RTN3: variants seen among roughly 807,000 people sequenced by gnomAD.
RTN3 encodes reticulon-3.
A neutral mutation model predicts 77.8 loss-of-function variants in RTN3; 49 were observed. The observed-to-expected ratio is 0.63, with a 90% CI of 0.50 to 0.80. The LOEUF is 0.80. Among genes scored for constraint, RTN3 ranks in the 30% least tolerant of loss-of-function variants. The pLI is 0.00. For synonymous variants in RTN3, 464 were observed against 446.9 expected, an observed-to-expected ratio of 1.04 and a Z score of -0.48; for missense variants, 1,236 against 1,211.9, an observed-to-expected ratio of 1.02 and a Z score of -0.29.
At chr11:63,722,179 AC>A (rs2011866866) in intron 3 of RTN3, among the ~76,000 whole-genome samples, 1 of 152,176 alleles carries the variant, frequency 6.6e-6, no homozygotes, top group Non-Finnish European at 1.5e-5. Context: ...TTTTACATCT[AC>A]TGTATGGTCA....
Position 63,726,796 on chromosome 11 carries a change from AG to A in RTN3, c.2530+5766del, listed in dbSNP as rs548099309. Among the ~76,000 whole-genome samples, 988 of 149,892 alleles carry A rather than the reference AG, an allele frequency of 6.6e-3. 10 individuals are homozygous for A. Among genetic ancestry groups the A allele is most frequent in the African/African-American group, 0.023 (934 of 40,732 alleles). ...GAATCGCTTGAACCCCTGGGGGTGG[AG>A]GTTGCAGTGAGCCAAGATCATGCCA... On this transcript the variant is annotated intron_variant, in intron 3 of 8. Coordinates refer to ENST00000377819, the MANE Select transcript of RTN3 (RefSeq NM_001265589.2).
Position 63,720,509 on chromosome 11 carries a change from T to C in RTN3, c.2007T>C (p.Ser669=). ...TETRDKGIVD[S]ERNAFKAISE... Reference sequence around the variant, plus strand: ...CCAGAGATAAAGGAATAGTAGATAGTGAAAGAAATGCTTTTAAAGCAATAT... The same window carrying C: ...CCAGAGATAAAGGAATAGTAGATAGCGAAAGAAATGCTTTTAAAGCAATAT... Residue 669 remains serine (S), a synonymous_variant, in exon 3 of 9, where the codon AGT becomes AGC. Transcript: ENST00000377819. 6.2e-7 allele frequency: 1 copy of C among 1,613,960 alleles called. No homozygotes were observed. Among genetic ancestry groups the C allele is most frequent in the Non-Finnish European group, 8.5e-7 (1 of 1,179,968 alleles).
At position 63,720,320 on chromosome 11, in the gene RTN3, T is replaced by C. The variant is rs1338073280; in HGVS notation, c.1818T>C (p.Thr606=). The change falls in exon 3 of 9, where the codon ACT becomes ACC. Residue 606 remains threonine (T), a synonymous_variant. Transcript: ENST00000377819. ...TTGCTCCTGAAAAGCCTATTACTAC[T>C]GAGAACCCCAAACTTCCTTCAACAG... The part of the protein sequence containing the change: ...SEVAPEKPIT[T]ENPKLPSTVS... The C allele has an allele frequency of 1.9e-6, 3 of 1,613,804 alleles. No homozygotes were observed. Among genetic ancestry groups the C allele is most frequent in the Non-Finnish European group, 2.5e-6 (3 of 1,179,910 alleles).
rs773795111 is a variant in RTN3, at chr11:63,758,347, T to C, written c.*146T>C. On this transcript the variant is annotated 3_prime_UTR_variant, in exon 9 of 9. Coordinates refer to ENST00000377819, the MANE Select transcript of RTN3 (RefSeq NM_001265589.2). ...TTTAATTTGGTGTTTTCTCCCATCCTTTCCCTTTAACCCTCAGTATCAAGC... is the reference window on the plus strand; with the variant it reads ...TTTAATTTGGTGTTTTCTCCCATCCCTTCCCTTTAACCCTCAGTATCAAGC... 1.2e-5 allele frequency: 20 copies of C among 1,609,534 alleles called. No individual in the cohort carries two copies. Among genetic ancestry groups the C allele is most frequent in the Non-Finnish European group, 1.4e-5 (17 of 1,178,658 alleles).
intron 3 of RTN3, among the ~76,000 whole-genome samples, chr11:63,745,292 A>C (rs934736276): frequency 2.0e-5 from 3 of 152,244 alleles, no homozygotes; most frequent in African/African-American, 7.2e-5. Flanking sequence ...ATTAGGAAAC[A>C]AATGGTTTTG....
intron 4 of RTN3, among the ~76,000 whole-genome samples, chr11:63,751,987 A>G (rs1333973582): frequency 6.6e-6 from 1 of 152,020 alleles, no homozygotes; most frequent in Non-Finnish European, 1.5e-5. Flanking sequence ...GCAAAACACC[A>G]TCTCATAAAA....
At chr11:63,747,291 A>AT (rs2013855608) in intron 3 of RTN3, among the ~76,000 whole-genome samples, 2 of 152,330 alleles carry the variant, frequency 1.3e-5, no homozygotes, top group South Asian at 4.1e-4. Context: ...CCTTGTAGTT[A>AT]TATGAATTCT....
intron 1 of RTN3, among the ~76,000 whole-genome samples, chr11:63,684,129 GTTTTTTTTTTT>G (rs61663789): frequency 5.9e-5 from 5 of 85,270 alleles, no homozygotes; most frequent in East Asian, 2.9e-4. Context: ...TTTTCTTTTG[GTTTTTTTTTTT>G]TTTTTTTTTT....
chr11:63,751,701 T>G (rs1364659571), intron 4 of RTN3, among the ~76,000 whole-genome samples: 2 of 152,124 alleles, frequency 1.3e-5, no homozygotes, highest in Non-Finnish European at 2.9e-5. Flanking sequence ...CATTAAAAAT[T>G]TTATTGCAGT....
At chr11:63,741,710 A>G (rs1162783892) in intron 3 of RTN3, among the ~76,000 whole-genome samples, 1 of 151,782 alleles carries the variant, frequency 6.6e-6, no homozygotes, top group Non-Finnish European at 1.5e-5. Flanking sequence ...CGTGTTGGCC[A>G]GGCTGGTCTC....
rs2011608496 is a variant in RTN3 at position 63,719,591 on chromosome 11, A to G, written c.1089A>G (p.Thr363=). The part of the protein sequence containing the change: ...DKSSDCITKT[T]GLDMSEYNSE... ...CTTCTGACTGCATCACAAAAACTAC[A>G]GGACTTGACATGAGTGAATATAATT... Residue 363 remains threonine (T), a synonymous_variant, in exon 3 of 9, where the codon ACA becomes ACG. Coordinates refer to ENST00000377819, the MANE Select transcript of RTN3 (RefSeq NM_001265589.2). 1 of 1,614,126 alleles carries G rather than the reference A, an allele frequency of 6.2e-7. No homozygotes were observed. The highest frequency in any genetic ancestry group is 2.2e-5 in the East Asian group (1 of 44,886).
In RTN3 at chr11:63,681,540, G is replaced by T; in HGVS notation, c.-97G>T. On this transcript the variant is annotated 5_prime_UTR_variant, in exon 1 of 9. Coordinates refer to ENST00000377819, the MANE Select transcript of RTN3 (RefSeq NM_001265589.2). ...GTCCTCGGAGCAGGCGGAGTAAAGG[G>T]ACTTGAGCGAGCCAGTTGCCGGATT... The T allele has an allele frequency of 7.7e-7, 1 of 1,290,850 alleles. No individual in the cohort carries two copies. The highest frequency in any genetic ancestry group is 1.1e-6 in the Non-Finnish European group (1 of 947,774). The allele number at this position is 1,290,850 out of a possible 1,614,324, so 80.0% of individuals were successfully genotyped here.
chr11:63,742,797 G>A (rs1231040329), intron 3 of RTN3, among the ~76,000 whole-genome samples: 1 of 152,138 alleles, frequency 6.6e-6, no homozygotes, highest in East Asian at 1.9e-4. Flanking sequence ...TCTCAGCAAT[G>A]TTTTATAGAT....
At chr11:63,724,929 G>A (rs906334814) in intron 3 of RTN3, among the ~76,000 whole-genome samples, 10 of 149,816 alleles carry the variant, frequency 6.7e-5, no homozygotes, top group Non-Finnish European at 1.5e-4. Context: ...CTGTGCAATC[G>A]AATATTACAC....
At position 63,756,085 on chromosome 11, in the gene RTN3, A is replaced by C. The variant is rs771200604; in HGVS notation, c.2995-27A>C. 4 of 1,570,386 alleles carry C rather than the reference A, an allele frequency of 2.5e-6. No individual in the cohort carries two copies. The Admixed American group carries it at 5.0e-5, about 20-fold the overall frequency. ...AAATTGGTGATCTGTATGTTACCAC[A>C]ACTGAATTTATTTTCCTTCCTTAAA... On this transcript the variant is annotated intron_variant, in intron 7 of 8. Coordinates refer to ENST00000377819, the MANE Select transcript of RTN3 (RefSeq NM_001265589.2).
intron 3 of RTN3, among the ~76,000 whole-genome samples, chr11:63,735,388 C>T (rs2013019981): frequency 6.6e-6 from 1 of 152,182 alleles, no homozygotes; most frequent in East Asian, 1.9e-4. Flanking sequence ...CTTAAGACCG[C>T]AGTACTAAAA....
intron 1 of RTN3, among the ~76,000 whole-genome samples, chr11:63,700,473 A>G (rs1260058160): frequency 1.3e-5 from 2 of 151,060 alleles, no homozygotes; most frequent in Non-Finnish European, 3.0e-5. Flanking sequence ...TTGTGGAGAC[A>G]GGATCTCACC....
intron 1 of RTN3, among the ~76,000 whole-genome samples, chr11:63,690,427 G>T (rs1565299747): frequency 6.6e-6 from 1 of 152,086 alleles, no homozygotes; most frequent in Non-Finnish European, 1.5e-5. Flanking sequence ...AGACAGAAAG[G>T]TAAATAAAAT....
chr11:63,699,515 C>T (rs553564801), intron 1 of RTN3, among the ~76,000 whole-genome samples: 5 of 152,228 alleles, frequency 3.3e-5, no homozygotes, highest in Admixed American at 6.5e-5. Flanking sequence ...TTTTCAGTTC[C>T]GTCCATGCTC....
Sources: allele counts gnomAD v4.1 joint callset (sites outside exome capture counted in the v4.1 genomes callset), GRCh38; gene constraint gnomAD v4.1.1; transcripts MANE v1.5; gene names NCBI Gene and HGNC (gene_info 2026-07-23, HGNC 2026-07-21).